DRG1: variants seen among roughly 807,000 people sequenced by gnomAD.
DRG1 encodes developmentally-regulated GTP-binding protein 1.
DRG1 carries 19 observed loss-of-function variants against 38.8 expected under a neutral mutation model. That is an observed-to-expected ratio of 0.49 (90% CI 0.34 to 0.72). DRG1 has a LOEUF of 0.72. Ranked by LOEUF, DRG1 falls within the 30% of genes least tolerant of loss-of-function variation. The pLI is 0.01. For synonymous variants in DRG1, 167 were observed against 157.5 expected (o/e 1.06, Z -0.45); for missense variants, 299 against 444.8 (o/e 0.67, Z 2.95).
At position 31,423,282 on chromosome 22, in the gene DRG1, C is replaced by T; in HGVS notation, c.585C>T (p.Cys195=). Reference sequence around the variant, plus strand: ...AGTCATCTGCTATTCCCTTTCAGTGCCCCCAGAGTGAGCTGGATGCTGAAA... The same window carrying T: ...AGTCATCTGCTATTCCCTTTCAGTGTCCCCAGAGTGAGCTGGATGCTGAAA... ...DKGGINLTAT[C]PQSELDAETV... is the part of the protein sequence containing the mutation. The change falls in exon 6 of 9, where the codon TGC becomes TGT. Residue 195 remains cysteine (C), a splice_region_variant and synonymous_variant. Transcript: ENST00000331457. The T allele has an allele frequency of 6.2e-7, 1 of 1,613,764 alleles. No individual in the cohort carries two copies. Among genetic ancestry groups the T allele is most frequent in the South Asian group, 1.1e-5 (1 of 91,066 alleles).
At chr22:31,416,995 G>A (rs2050047937) in intron 4 of DRG1, among the ~76,000 whole-genome samples, 1 of 151,426 alleles carries the variant, frequency 6.6e-6, no homozygotes. Flanking sequence ...AGCCCAGGAG[G>A]TCAATCTGCA....
At chr22:31,418,093 A>C (rs1829334982) in intron 4 of DRG1, among the ~76,000 whole-genome samples, 5 of 151,938 alleles carry the variant, frequency 3.3e-5, no homozygotes. Flanking sequence ...TCAGGAGTTC[A>C]AGACCAGCCT....
At position 31,434,034 on chromosome 22, in the gene DRG1, T is replaced by TA; in HGVS notation, c.*64dup. 6.7e-7 allele frequency: 1 copy of TA among 1,486,380 alleles called. No homozygotes were observed. Among genetic ancestry groups the TA allele is most frequent in the African/African-American group, 1.4e-5 (1 of 72,552 alleles). 92.1% of individuals were successfully genotyped at this position (1,486,380 alleles called of 1,614,324 possible). A position where few individuals can be genotyped will look rare whatever the true frequency, so the allele number is the denominator to read the frequency against. Reference sequence around the variant, plus strand: ...CAGCGTTCCCCATGATCAAGCACCCTACCCCAGTTCTTTCTGGTTTTGGCA... The same window carrying TA: ...CAGCGTTCCCCATGATCAAGCACCCTAACCCCAGTTCTTTCTGGTTTTGGCA... On this transcript the variant is annotated 3_prime_UTR_variant, in exon 9 of 9. Coordinates refer to ENST00000331457, the MANE Select transcript of DRG1 (RefSeq NM_004147.4).
chr22:31,408,868 T>G (rs749793369), intron 3 of DRG1, among the ~76,000 whole-genome samples: 15 of 152,122 alleles, frequency 9.9e-5, no homozygotes, highest in Non-Finnish European at 1.9e-4. Flanking sequence ...CCCTTGGTAT[T>G]TTTAGATTTT....
intron 6 of DRG1, among the ~76,000 whole-genome samples, chr22:31,425,533 C>T (rs757003717): frequency 6.6e-5 from 10 of 151,806 alleles, no homozygotes; most frequent in Non-Finnish European, 1.0e-4. Flanking sequence ...CTTGAACTCC[C>T]GGGCTCAATC....
chr22:31,408,141 T>G (rs1302947547), intron 3 of DRG1, among the ~76,000 whole-genome samples: 2 of 127,250 alleles, frequency 1.6e-5, no homozygotes, highest in African/African-American at 5.8e-5. Context: ...CTTCTTTTTT[T>G]TTTTTTTTTT....
chr22:31,402,981 C>T, intron 2 of DRG1, 48 bp from the exon 3 acceptor site: 1 of 1,570,326 alleles, frequency 6.4e-7, no homozygotes, highest in East Asian at 2.2e-5. Flanking sequence ...TGAGTCTTAA[C>T]ACTCTGGGGG....
At chr22:31,423,476 A>T in intron 6 of DRG1, 66 bp downstream of exon 6, 1 of 1,436,582 alleles carries the variant, frequency 7.0e-7, no homozygotes. Flanking sequence ...ACAGTATTGG[A>T]TCTTGAATCT....
intron 8 of DRG1, among the ~76,000 whole-genome samples, chr22:31,431,030 C>A (rs1198432298): frequency 1.7e-5 from 2 of 114,888 alleles, no homozygotes; most frequent in East Asian, 4.5e-4. Flanking sequence ...CCCCCCCCCC[C>A]CCCGCTTTTT....
intron 3 of DRG1, among the ~76,000 whole-genome samples, chr22:31,407,895 C>T (rs572782637): frequency 1.1e-4 from 16 of 150,616 alleles, no homozygotes; most frequent in Non-Finnish European, 1.6e-4. Flanking sequence ...CCGAGGTGAG[C>T]GGATCACCTG....
chr22:31,406,687 A>AG (rs1488172198), intron 3 of DRG1, among the ~76,000 whole-genome samples: 1 of 152,166 alleles, frequency 6.6e-6, no homozygotes, highest in African/African-American at 2.4e-5. Context: ...AAAAAAAAAA[A>AG]AAAAGTTGCA....
chr22:31,419,107 G>A (rs143357448), intron 4 of DRG1, among the ~76,000 whole-genome samples: 2 of 152,170 alleles, frequency 1.3e-5, no homozygotes, highest in East Asian at 3.9e-4. Context: ...GAGCTCCCGT[G>A]CCCAGCTGGA....
chr22:31,425,440 CTT>C (rs34249543), intron 6 of DRG1, among the ~76,000 whole-genome samples: 73 of 137,130 alleles, frequency 5.3e-4, no homozygotes, highest in East Asian at 6.5e-4. Flanking sequence ...TGATACATTA[CTT>C]TTTTTTTTTT....
chr22:31,415,647 C>T (rs906548763), intron 4 of DRG1, among the ~76,000 whole-genome samples: 2 of 152,152 alleles, frequency 1.3e-5, no homozygotes, highest in Non-Finnish European at 2.9e-5. Flanking sequence ...CAGGTGTGAG[C>T]ACCTGGCCTA....
intron 4 of DRG1, among the ~76,000 whole-genome samples, chr22:31,418,444 C>T (rs1038202676): frequency 8.6e-5 from 13 of 151,968 alleles, no homozygotes; most frequent in Non-Finnish European, 1.6e-4. Flanking sequence ...AGTGACAAAG[C>T]GAGACCCTGT....
chr22:31,403,244 T>C (rs1237728154), intron 3 of DRG1, 40 bp downstream of exon 3: 1 of 1,554,968 alleles, frequency 6.4e-7, no homozygotes, highest in Admixed American at 2.0e-5. Context: ...AAGAAATCTA[T>C]TCTTCATTTA....
At chr22:31,400,807 G>A (rs1181314638) in intron 2 of DRG1, 64 bp downstream of exon 2, 2 of 1,550,634 alleles carry the variant, frequency 1.3e-6, no homozygotes, top group African/African-American at 1.4e-5. Context: ...GTACATACAT[G>A]TGGTTTAAAA....
chr22:31,408,624 G>T (rs1364386983), intron 3 of DRG1, among the ~76,000 whole-genome samples: 1 of 151,866 alleles, frequency 6.6e-6, no homozygotes, highest in Non-Finnish European at 1.5e-5. Flanking sequence ...ATGGTGGCGA[G>T]CACCTGTAAT....
chr22:31,429,886 G>A (rs2050130034), intron 8 of DRG1, among the ~76,000 whole-genome samples: 2 of 152,278 alleles, frequency 1.3e-5, no homozygotes, highest in East Asian at 3.9e-4. Context: ...CTGGGCTCTA[G>A]TGATCCGCCT....
Sources: allele counts gnomAD v4.1 joint callset (sites outside exome capture counted in the v4.1 genomes callset), GRCh38; gene constraint gnomAD v4.1.1; transcripts MANE v1.5; gene names NCBI Gene and HGNC (gene_info 2026-07-23, HGNC 2026-07-21).